Variants in CPT1A observed in about 807,000 individuals in gnomAD.
CPT1A encodes the protein carnitine O-palmitoyltransferase 1, liver isoform.
Under a neutral mutation model 100.8 loss-of-function variants are expected in CPT1A, and 64 were observed. The ratio of observed to expected loss-of-function variants is 0.63; its 90% CI spans 0.52 to 0.78. The LOEUF (loss-of-function observed/expected upper bound fraction) is 0.78. Among genes scored for constraint, CPT1A ranks in the 30% least tolerant of loss-of-function variants. The probability of loss-of-function intolerance (pLI) is 0.00; values close to 1 mark genes in which losing one functional copy is unlikely to be tolerated. For missense variants in CPT1A, 802 were observed against 1,034.1 expected, an observed-to-expected ratio of 0.78 and a Z score of 3.08; for synonymous variants, 363 against 396.0, an observed-to-expected ratio of 0.92 and a Z score of 0.99.
At chr11:68,838,583 A>AAAAAAAAAAACAAAC in intron 1 of CPT1A, among the ~76,000 whole-genome samples, 1 of 141,264 alleles carries the variant, frequency 7.1e-6, no homozygotes, top group South Asian at 2.2e-4. Context: ...AAAAAAAAAA[A>AAAAAAAAAAACAAAC]AAAAAAAACA....
At chr11:68,773,657 C>A (rs1206370039) in intron 13 of CPT1A, 2 of 585,262 alleles carry the variant, frequency 3.4e-6, no homozygotes, top group South Asian at 2.0e-5. Context: ...ATGAGCAGGC[C>A]AGGAGAGGGC....
chr11:68,773,122 G>GC (rs1327102742), intron 14 of CPT1A, 143 bp downstream of exon 14: 34 of 1,467,432 alleles, frequency 2.3e-5, no homozygotes, highest in Middle Eastern at 4.9e-4. Flanking sequence ...ACGCCACCCG[G>GC]CCCCCGGAGA....
intron 9 of CPT1A, chr11:68,785,810 C>A: frequency 3.6e-6 from 2 of 549,018 alleles, no homozygotes; most frequent in South Asian, 2.4e-5. Flanking sequence ...AGAAACATTC[C>A]GATAATTGTT....
chr11:68,773,003 C>G (rs1295087985), intron 14 of CPT1A, among the ~76,000 whole-genome samples: 1 of 152,180 alleles, frequency 6.6e-6, no homozygotes, highest in African/African-American at 2.4e-5. Flanking sequence ...GTGATGAGAT[C>G]TCACTTTGTC....
At chr11:68,830,616 G>A (rs1856852075) in intron 1 of CPT1A, among the ~76,000 whole-genome samples, 1 of 152,200 alleles carries the variant, frequency 6.6e-6, no homozygotes, top group African/African-American at 2.4e-5. Context: ...CCTATTCCAT[G>A]GTTGTTCCTA....
chr11:68,780,444 C>T (rs1032312694), intron 12 of CPT1A, among the ~76,000 whole-genome samples, 196 bp downstream of exon 12: 15 of 152,242 alleles, frequency 9.9e-5, no homozygotes, highest in South Asian at 2.1e-4. Flanking sequence ...CCACCATGCC[C>T]GGCTAATTTT....
Position 68,836,450 on chromosome 11 carries a change from AGCTTGGGCACCAAG to A in CPT1A, c.-14+5311_-14+5324del, listed in dbSNP as rs572620676. Among the ~76,000 whole-genome samples the A allele has an allele frequency of 2.0e-5, 3 of 152,108 alleles. No homozygotes were observed. The East Asian group carries it at 5.8e-4, about 29-fold the overall frequency. ...TGATGGCACCACGGCACTGCACTCC[AGCTTGGGCACCAAG>A]GCAAGATCCTGCCTCGGAAAAAAAA... On this transcript the variant is annotated intron_variant, in intron 1 of 18. Transcript: ENST00000265641.
intron 1 of CPT1A, among the ~76,000 whole-genome samples, chr11:68,834,973 C>T (rs1163531531): frequency 2.8e-5 from 4 of 144,652 alleles, no homozygotes; most frequent in African/African-American, 7.8e-5. Context: ...CACTCCAGCC[C>T]GGGCGATAGG....
chr11:68,794,935 G>A (rs772167563), intron 7 of CPT1A, 24 bp from the exon 8 acceptor site: 26 of 1,582,208 alleles, frequency 1.6e-5, no homozygotes, highest in Non-Finnish European at 1.9e-5. Context: ...AAGGTGGAGA[G>A]AATTTGCATA....
chr11:68,778,449 C>T (rs570379276), intron 12 of CPT1A, among the ~76,000 whole-genome samples: 3 of 152,066 alleles, frequency 2.0e-5, no homozygotes, highest in Admixed American at 6.6e-5. Context: ...TAAAAAGAAA[C>T]GTCAAGGCCA....
intron 5 of CPT1A, among the ~76,000 whole-genome samples, chr11:68,800,543 G>A (rs1018285811): frequency 1.3e-5 from 2 of 151,640 alleles, no homozygotes; most frequent in African/African-American, 2.4e-5. Flanking sequence ...GCATGTGCCT[G>A]TGATCCCAGC....
In CPT1A at chr11:68,757,338, C is replaced by T. The variant is rs1946711137; in HGVS notation, c.*306G>A. On this transcript the variant is annotated 3_prime_UTR_variant, in exon 19 of 19. Coordinates refer to ENST00000265641, the MANE Select transcript of CPT1A (RefSeq NM_001876.4). ...CATTCCACTGTGTGTGAAGCCACAA[C>T]CCTACTAATTCCTTCATTAACTCAA... is the stretch of plus-strand genomic sequence containing the variant. The T allele has an allele frequency of 7.9e-7, 1 of 1,260,154 alleles. No homozygotes were observed. The highest frequency in any genetic ancestry group is 1.5e-5 in the African/African-American group (1 of 65,776). The allele number at this position is 1,260,154 out of a possible 1,614,324, so 78.1% of individuals were successfully genotyped here.
At chr11:68,760,510 G>C (rs1040254101) in intron 16 of CPT1A, among the ~76,000 whole-genome samples, 172 bp from the exon 17 acceptor site, 5 of 152,166 alleles carry the variant, frequency 3.3e-5, no homozygotes, top group Admixed American at 1.3e-4. Context: ...GAGAGCATGC[G>C]GGGTGGGTGG....
chr11:68,770,070 A>T (rs1057111974), intron 14 of CPT1A, among the ~76,000 whole-genome samples: 2 of 151,222 alleles, frequency 1.3e-5, no homozygotes, highest in Admixed American at 1.3e-4. Flanking sequence ...AAAAAAAAAA[A>T]AACAGTGTGA....
At chr11:68,812,024 A>G (rs1231211172) in intron 3 of CPT1A, among the ~76,000 whole-genome samples, 1 of 152,196 alleles carries the variant, frequency 6.6e-6, no homozygotes, top group Non-Finnish European at 1.5e-5. Context: ...ACCCCACAGC[A>G]GTCAGTTCAA....
chr11:68,798,166 A>G (rs559102274), intron 6 of CPT1A, among the ~76,000 whole-genome samples: 52 of 152,174 alleles, frequency 3.4e-4, no homozygotes, highest in Non-Finnish European at 7.2e-4. Flanking sequence ...GTGCCCCCCA[A>G]CCACCTCACA....
chr11:68,800,447 T>G (rs1274573044), intron 5 of CPT1A, among the ~76,000 whole-genome samples: 5 of 149,238 alleles, frequency 3.4e-5, no homozygotes, highest in Non-Finnish European at 5.9e-5. Flanking sequence ...TCTTGACCAG[T>G]TCAAGACCAC....
At position 68,794,878 on chromosome 11, in the gene CPT1A, C is replaced by G. The variant is rs1205315725; in HGVS notation, c.805G>C (p.Ala269Pro). 6.2e-7 allele frequency: 1 copy of G among 1,614,020 alleles called. No individual in the cohort carries two copies. Among genetic ancestry groups the G allele is most frequent in the East Asian group, 2.2e-5 (1 of 44,894 alleles). Residue 269 changes from alanine (A) to proline (P), a missense_variant, in exon 8 of 19, where the codon GCA (alanine) becomes CCA (proline). This residue lies in a region of CPT1A where 627 missense variants were observed against 799.3 expected (regional missense o/e 0.78). Coordinates refer to ENST00000265641, the MANE Select transcript of CPT1A (RefSeq NM_001876.4). ...TGGATGGCGTTGCCGGCTCTTGCTG[C>G]CTGAATGTGAGTTGGAAGGATATAC... is the stretch of plus-strand genomic sequence containing the variant. Reference protein sequence around the residue: ...LLYILPTHIQAARAGNAIHAI... With the variant: ...LLYILPTHIQPARAGNAIHAI...
upstream of CPT1A, among the ~76,000 whole-genome samples, chr11:68,842,455 G>A (rs1459637912): frequency 6.6e-6 from 1 of 151,996 alleles, no homozygotes; most frequent in African/African-American, 2.4e-5. Flanking sequence ...AAAAAGCGCG[G>A]GGAAGTGATA....
Sources: gnomAD v4.1 joint callset for allele counts (sites outside exome capture counted in the v4.1 genomes callset) on GRCh38, gnomAD v4.1.1 for gene constraint, gnomAD v4.1.1 regional missense constraint, MANE v1.5 for transcripts, NCBI Gene and HGNC (gene_info 2026-07-23, HGNC 2026-07-21) for gene names.